The following SLC24A3 variants were observed in gnomAD, a reference collection of about 807,000 sequenced individuals.
SLC24A3 encodes the protein sodium/potassium/calcium exchanger 3.
Under a neutral mutation model 75.8 loss-of-function variants are expected in SLC24A3, and 28 were observed. The observed-to-expected ratio is 0.37, with a 90% CI of 0.27 to 0.51. The LOEUF is 0.51. Among genes scored for constraint, SLC24A3 ranks in the 20% least tolerant of loss-of-function variants. The probability of loss-of-function intolerance (pLI) is 0.94; values close to 1 mark genes in which losing one functional copy is unlikely to be tolerated. For missense variants in SLC24A3, 663 were observed against 847.8 expected (o/e 0.78, Z 2.71); for synonymous variants, 372 against 334.1 (o/e 1.11, Z -1.24).
chr20:19,470,206 T>G (rs1987845926), intron 2 of SLC24A3, among the ~76,000 whole-genome samples: 1 of 152,196 alleles, frequency 6.6e-6, no homozygotes, highest in Non-Finnish European at 1.5e-5. Flanking sequence ...ATATCCTTTC[T>G]TTTCCATCTG....
chr20:19,660,767 T>C (rs2032317996), intron 7 of SLC24A3, among the ~76,000 whole-genome samples: 1 of 152,152 alleles, frequency 6.6e-6, no homozygotes, highest in Non-Finnish European at 1.5e-5. Context: ...ATTTCAGCCC[T>C]CAGGTCTTTC....
At chr20:19,547,766 T>C (rs2030624971) in intron 3 of SLC24A3, among the ~76,000 whole-genome samples, 2 of 152,226 alleles carry the variant, frequency 1.3e-5, no homozygotes, top group African/African-American at 4.8e-5. Flanking sequence ...GTTCCTTTGA[T>C]GGTATGCCAG....
rs3790227 is a variant in SLC24A3, at chr20:19,488,358, C to T, written c.272-27130C>T. 3.3e-5 allele frequency among the ~76,000 whole-genome samples: 5 copies of T among 152,010 alleles called. 1 individual carries two copies. The highest frequency in any genetic ancestry group is 6.5e-5 in the Admixed American group (1 of 15,270). ...TAATACTTCATAACCTGGACTGACA[C>T]GTTAGGATGGGAATCCTTTATACTG... On this transcript the variant is annotated intron_variant, in intron 2 of 16. Coordinates refer to ENST00000328041, the MANE Select transcript of SLC24A3 (RefSeq NM_020689.4).
chr20:19,243,154 T>C (rs930304952), intron 1 of SLC24A3, among the ~76,000 whole-genome samples: 1 of 152,212 alleles, frequency 6.6e-6, no homozygotes, highest in Non-Finnish European at 1.5e-5. Context: ...TTAATGAAAT[T>C]ATCCCAGGTG....
intron 6 of SLC24A3, among the ~76,000 whole-genome samples, chr20:19,646,801 T>C (rs2122703220): frequency 6.6e-6 from 1 of 152,168 alleles, no homozygotes; most frequent in African/African-American, 2.4e-5. Context: ...TTGAGTCTTA[T>C]ACAAATGTGA....
intron 3 of SLC24A3, among the ~76,000 whole-genome samples, chr20:19,541,436 C>T (rs1278805413): frequency 6.6e-6 from 1 of 152,216 alleles, no homozygotes; most frequent in East Asian, 1.9e-4. Context: ...CCTGCAAGCC[C>T]TCTGTATTAG....
chr20:19,528,374 A>G (rs2030237657), intron 3 of SLC24A3, among the ~76,000 whole-genome samples: 1 of 152,036 alleles, frequency 6.6e-6, no homozygotes, highest in South Asian at 2.1e-4. Context: ...TTACCTTCCC[A>G]TCTCTTTACC....
At chr20:19,685,022 T>A in intron 11 of SLC24A3, 78 bp from the exon 12 acceptor site, 2 of 1,500,242 alleles carry the variant, frequency 1.3e-6, no homozygotes, top group South Asian at 1.4e-5. Flanking sequence ...CAGGGAAAGA[T>A]CCCAACAGCT....
At chr20:19,218,701 T>C (rs1357355451) in intron 1 of SLC24A3, among the ~76,000 whole-genome samples, 1 of 152,146 alleles carries the variant, frequency 6.6e-6, no homozygotes. Flanking sequence ...AAGCTTTTTT[T>C]TTTTTTCTTC....
At chr20:19,374,604 C>T (rs1986048891) in intron 2 of SLC24A3, among the ~76,000 whole-genome samples, 1 of 152,206 alleles carries the variant, frequency 6.6e-6, no homozygotes, top group Admixed American at 6.5e-5. Flanking sequence ...CCTTTCACAG[C>T]ATTACCTGAC....
At chr20:19,298,407 A>T (rs1165382047) in intron 2 of SLC24A3, among the ~76,000 whole-genome samples, 1 of 152,200 alleles carries the variant, frequency 6.6e-6, no homozygotes, top group Non-Finnish European at 1.5e-5. Context: ...AGATGCATAA[A>T]TGACATGTAC....
intron 2 of SLC24A3, among the ~76,000 whole-genome samples, chr20:19,455,901 T>C (rs933220338): frequency 3.4e-4 from 52 of 152,224 alleles, no homozygotes; most frequent in Admixed American, 1.8e-3. Context: ...TATAATTGGT[T>C]CCTTAAGTAA....
intron 6 of SLC24A3, among the ~76,000 whole-genome samples, chr20:19,652,043 G>GC (rs940162375): frequency 1.2e-5 from 1 of 85,170 alleles, no homozygotes; most frequent in Non-Finnish European, 2.5e-5. Flanking sequence ...AAGGAAGGAG[G>GC]CTTGAGATTA....
chr20:19,222,864 A>T (rs140433658), intron 1 of SLC24A3, among the ~76,000 whole-genome samples: 271 of 126,964 alleles, frequency 2.1e-3, no homozygotes, highest in African/African-American at 7.5e-3. Context: ...TACTGTACAC[A>T]TGAATCTGGT....
Position 19,443,488 on chromosome 20 carries a change from G to A in SLC24A3, c.272-72000G>A, listed in dbSNP as rs561824494. Among the ~76,000 whole-genome samples, 5 of 152,234 alleles carry A rather than the reference G, an allele frequency of 3.3e-5. No homozygotes were observed. In the South Asian group the frequency reaches 1.0e-3, roughly 32 times the overall value. On this transcript the variant is annotated intron_variant, in intron 2 of 16. Coordinates refer to ENST00000328041, the MANE Select transcript of SLC24A3 (RefSeq NM_020689.4). Reference sequence around the variant, plus strand: ...ATATTTCAATCACTCATTGCTGGTAGTAGGAAAGCAATTGACTTTTGTAAA... The same window carrying A: ...ATATTTCAATCACTCATTGCTGGTAATAGGAAAGCAATTGACTTTTGTAAA...
chr20:19,507,819 C>T (rs1275736548), intron 2 of SLC24A3, among the ~76,000 whole-genome samples: 2 of 152,118 alleles, frequency 1.3e-5, no homozygotes, highest in Non-Finnish European at 2.9e-5. Context: ...ATTTCTCAGC[C>T]AATAATTCTG....
intron 2 of SLC24A3, among the ~76,000 whole-genome samples, chr20:19,494,369 G>A (rs564897562): frequency 6.6e-6 from 1 of 152,336 alleles, no homozygotes; most frequent in South Asian, 2.1e-4. Flanking sequence ...AATTAGTGGA[G>A]GGAAGCTTTG....
intron 13 of SLC24A3, chr20:19,694,580 C>T (rs1471096926): frequency 2.6e-5 from 4 of 152,112 alleles, no homozygotes; most frequent in Non-Finnish European, 5.9e-5. Flanking sequence ...ACATATGCAC[C>T]AAGAGCCACC....
intron 3 of SLC24A3, among the ~76,000 whole-genome samples, chr20:19,517,336 C>T (rs543076624): frequency 1.3e-5 from 2 of 152,156 alleles, no homozygotes; most frequent in African/African-American, 2.4e-5. Context: ...GAGATGTTGT[C>T]GCCTGCAGCT....
Sources: gnomAD v4.1 joint callset for allele counts (sites outside exome capture counted in the v4.1 genomes callset) on GRCh38, gnomAD v4.1.1 for gene constraint, MANE v1.5 for transcripts, NCBI Gene and HGNC (gene_info 2026-07-23, HGNC 2026-07-21) for gene names.